Variants in CCDC57 observed in about 807,000 individuals in gnomAD.
CCDC57 encodes the protein coiled-coil domain containing 57.
Under a neutral mutation model 118.9 loss-of-function variants are expected in CCDC57, and 118 were observed. That is an observed-to-expected ratio of 0.99 (90% CI 0.86 to 1.16). The LOEUF is 1.16. Ranked by LOEUF, CCDC57 falls within the 50% of genes most tolerant of loss-of-function variation. The pLI, the probability that CCDC57 is intolerant of heterozygous loss-of-function variation, is 0.00. For missense variants in CCDC57, 1,300 were observed against 1,320.7 expected (o/e 0.98, Z 0.24); for synonymous variants, 527 against 532.9 (o/e 0.99, Z 0.15).
intron 16 of CCDC57, among the ~76,000 whole-genome samples, chr17:82,143,187 C>A (rs150381334): frequency 6.6e-6 from 1 of 150,534 alleles, no homozygotes; most frequent in Non-Finnish European, 1.5e-5. Flanking sequence ...GCTATAGAGA[C>A]AATGATTACA....
At chr17:82,170,364 C>T (rs567475838) in intron 13 of CCDC57, among the ~76,000 whole-genome samples, 30 of 151,914 alleles carry the variant, frequency 2.0e-4, no homozygotes, top group Admixed American at 3.9e-4. Context: ...AAAAATTAGC[C>T]GGGCGTGGTG....
At chr17:82,147,614 T>G in intron 16 of CCDC57, among the ~76,000 whole-genome samples, 1 of 119,232 alleles carries the variant, frequency 8.4e-6, no homozygotes, top group Non-Finnish European at 1.7e-5. Context: ...GATAGATGGA[T>G]GGATGATTGG....
intron 5 of CCDC57, 80 bp from the exon 5 acceptor site, chr17:82,194,219 A>G (rs1411367148): frequency 1.4e-6 from 2 of 1,420,124 alleles, no homozygotes; most frequent in Non-Finnish European, 1.9e-6. Flanking sequence ...CTGCTGTTTT[A>G]TCAGGATTGG....
At chr17:82,103,903 T>C (rs1362186981) in intron 19 of CCDC57, among the ~76,000 whole-genome samples, 2 of 151,998 alleles carry the variant, frequency 1.3e-5, no homozygotes, top group Admixed American at 1.3e-4. Context: ...GCTCAGAATA[T>C]CCACTTTACA....
intron 11 of CCDC57, among the ~76,000 whole-genome samples, chr17:82,173,849 C>T (rs536498898): frequency 3.3e-5 from 5 of 152,198 alleles, no homozygotes; most frequent in South Asian, 2.1e-4. Context: ...AGACAGGCCC[C>T]GCCCACCCAG....
At position 82,191,256 on chromosome 17, in the gene CCDC57, C is replaced by T. The variant is rs182302925; in HGVS notation, c.851+2500G>A. ...ATGGGGATGAGTGCTTCCGAACCGG[C>T]GCCAGATGATGAGGAAACAGATGTA... On this transcript the variant is annotated intron_variant, in intron 7 of 19. Transcript: ENST00000665763. Among the ~76,000 whole-genome samples the T allele has an allele frequency of 1.2e-3, 187 of 152,122 alleles. 2 individuals carry two copies. The highest frequency in any genetic ancestry group is 4.0e-3 in the African/African-American group (168 of 41,492).
chr17:82,138,640 AAGAGACGC>A, intron 16 of CCDC57, among the ~76,000 whole-genome samples: 1 of 147,790 alleles, frequency 6.8e-6, no homozygotes, highest in South Asian at 2.1e-4. Context: ...GCCGAGTCGG[AAGAGACGC>A]ATGGCCTGCC....
chr17:82,178,967 G>T, intron 10 of CCDC57, 60 bp downstream of exon 9: 1 of 1,564,772 alleles, frequency 6.4e-7, no homozygotes, highest in Non-Finnish European at 8.7e-7. Context: ...GACCCGTCCT[G>T]CCCAGCCCCA....
intron 19 of CCDC57, chr17:82,126,386 A>G (rs2037440835): frequency 1.0e-6 from 1 of 981,034 alleles, no homozygotes; most frequent in African/African-American, 1.7e-5. Flanking sequence ...ATTTAAAAAC[A>G]TGAAGAACTG....
Position 82,192,704 on chromosome 17 carries a change from G to A in CCDC57, c.851+1052C>T, listed in dbSNP as rs915208783. On this transcript the variant is annotated intron_variant, in intron 7 of 19. Transcript: ENST00000665763. This position sits in a 1 kb window ranked among gnomAD's most constrained non-coding sequence, Gnocchi z 4.0. ...CCCTCACAATGCGAGCCAGCTGAGGGCACAACCCTCTCTCGCTGCCACCAG... is the reference window on the plus strand; with the variant it reads ...CCCTCACAATGCGAGCCAGCTGAGGACACAACCCTCTCTCGCTGCCACCAG... 2.0e-5 allele frequency among the ~76,000 whole-genome samples: 3 copies of A among 152,202 alleles called. No individual in the cohort carries two copies. The highest frequency in any genetic ancestry group is 7.2e-5 in the African/African-American group (3 of 41,452).
rs373874358 is a variant in CCDC57 at position 82,158,687 on chromosome 17, CAAA to C, written c.2041-742_2041-740del. On this transcript the variant is annotated intron_variant, in intron 14 of 19. Transcript: ENST00000665763. ...TGGGCGACAGAGCGAGACTCCATTT[CAAA>C]AAAAAAAAAAAAAAAGCTTGTATTA... is the stretch of plus-strand genomic sequence containing the variant. Among the ~76,000 whole-genome samples, 459 of 110,764 alleles carry C rather than the reference CAAA, an allele frequency of 4.1e-3. 5 individuals are homozygous for C. Among genetic ancestry groups the C allele is most frequent in the African/African-American group, 9.7e-3 (282 of 29,080 alleles). The allele number at this position is 110,764 out of a possible 152,430, so 72.7% of individuals were successfully genotyped here.
intron 19 of CCDC57, among the ~76,000 whole-genome samples, chr17:82,105,960 CTT>C (rs2034816582): frequency 6.6e-6 from 1 of 152,248 alleles, no homozygotes; most frequent in African/African-American, 2.4e-5. Context: ...GCCTGCTGGC[CTT>C]TGGAGCAGAG....
intron 19 of CCDC57, among the ~76,000 whole-genome samples, chr17:82,117,116 G>A (rs1178557149): frequency 6.6e-6 from 1 of 152,224 alleles, no homozygotes; most frequent in African/African-American, 2.4e-5. Context: ...GACTTTGGGA[G>A]GCCGAGGTAG....
At chr17:82,119,044 GAAC>G (rs2036294293) in intron 19 of CCDC57, among the ~76,000 whole-genome samples, 1 of 140,628 alleles carries the variant, frequency 7.1e-6, no homozygotes, top group South Asian at 2.4e-4. Flanking sequence ...GGCTCCTGGA[GAAC>G]AACTACATTC....
intron 8 of CCDC57, among the ~76,000 whole-genome samples, chr17:82,186,116 G>T (rs140429819): frequency 6.6e-6 from 1 of 151,888 alleles, no homozygotes; most frequent in Non-Finnish European, 1.5e-5. Context: ...GTGCCTAGCC[G>T]AGGTCATCAT....
At chr17:82,157,903 G>T in exon 15 of CCDC57, 1 of 1,566,666 alleles carries the variant, frequency 6.4e-7, no homozygotes. Context: ...ACCTCACGGG[G>T]AAGCTCACGC....
intron 16 of CCDC57, among the ~76,000 whole-genome samples, chr17:82,147,707 G>A (rs2040993123): frequency 7.1e-6 from 1 of 141,224 alleles, no homozygotes; most frequent in African/African-American, 2.6e-5. Context: ...ATGGATGGAT[G>A]GATAGATAGG....
At chr17:82,205,780 C>T (rs1308056788) in intron 2 of CCDC57, among the ~76,000 whole-genome samples, 1 of 152,204 alleles carries the variant, frequency 6.6e-6, no homozygotes, top group Non-Finnish European at 1.5e-5. Flanking sequence ...TGACTCGGTG[C>T]AGCACCCGGT....
At chr17:82,130,253 G>A (rs2038127224) in intron 17 of CCDC57, among the ~76,000 whole-genome samples, 1 of 151,872 alleles carries the variant, frequency 6.6e-6, no homozygotes, top group Admixed American at 6.6e-5. Flanking sequence ...GAGTGCAGTG[G>A]CGTGATCTCA....
Sources: allele counts gnomAD v4.1 joint callset (sites outside exome capture counted in the v4.1 genomes callset), GRCh38; gene constraint gnomAD v4.1.1; non-coding constraint Gnocchi (gnomAD v3.1); transcripts MANE v1.5; gene names NCBI Gene and HGNC (gene_info 2026-07-23, HGNC 2026-07-21).